ELF1: variants seen among roughly 807,000 people sequenced by gnomAD.
The protein encoded by ELF1 is E74 like ETS transcription factor 1.
Under a neutral mutation model 59.9 loss-of-function variants are expected in ELF1, and 24 were observed. The ratio of observed to expected loss-of-function variants is 0.40; its 90% CI spans 0.29 to 0.56. The LOEUF (loss-of-function observed/expected upper bound fraction) is 0.56, where lower values mean the gene tolerates loss of function less well. Ranked by LOEUF, ELF1 falls within the 20% of genes least tolerant of loss-of-function variation. The probability of loss-of-function intolerance (pLI) is 0.44; values close to 1 mark genes in which losing one functional copy is unlikely to be tolerated. For synonymous variants in ELF1, 248 were observed against 266.2 expected (o/e 0.93, Z 0.67); for missense variants, 627 against 742.2 (o/e 0.84, Z 1.80).
Position 40,981,978 on chromosome 13 carries a change from C to G in ELF1, c.72+5G>C, listed in dbSNP as rs761079297. 5.0e-6 allele frequency: 8 copies of G among 1,603,952 alleles called. No individual in the cohort carries two copies. The highest frequency in any genetic ancestry group is 6.8e-6 in the Non-Finnish European group (8 of 1,175,360). ...TTAAAATGAAATTTTCTCTGAATCT[C>G]ATACCTGTCGTTCATCCTCCATGAC... On this transcript the variant is annotated splice_donor_5th_base_variant and intron_variant, in intron 2 of 8. Coordinates refer to ENST00000239882, the MANE Select transcript of ELF1 (RefSeq NM_172373.4).
At position 41,046,331 on chromosome 13, in the gene ELF1, T is replaced by C. The variant is rs990932872; in HGVS notation, c.-229+14507A>G. Reference sequence around the variant, plus strand: ...TGTGAATTTGATCCTGTCATTACTATGTTAGTTGGTTATTTTGCTTGTTAG... The same window carrying C: ...TGTGAATTTGATCCTGTCATTACTACGTTAGTTGGTTATTTTGCTTGTTAG... On this transcript the variant is annotated intron_variant, in intron 1 of 1. Transcript: ENST00000405737. Among the ~76,000 whole-genome samples the C allele has an allele frequency of 1.2e-4, 18 of 152,328 alleles. 1 individual carries two copies. Among genetic ancestry groups the C allele is most frequent in the African/African-American group, 4.3e-4 (18 of 41,578 alleles).
At chr13:41,053,605 A>G (rs1877180342) in intron 1 of ELF1, among the ~76,000 whole-genome samples, 2 of 152,108 alleles carry the variant, frequency 1.3e-5, no homozygotes, top group South Asian at 4.1e-4. Flanking sequence ...CTAAATGGCT[A>G]CCCCACCCCT....
chr13:40,956,298 T>C (rs1329484681), intron 3 of ELF1, among the ~76,000 whole-genome samples: 3 of 152,054 alleles, frequency 2.0e-5, no homozygotes, highest in Admixed American at 1.3e-4. Flanking sequence ...CTCTGAAACA[T>C]GTGCTGTGTC....
rs1441393597 is a variant in ELF1, at chr13:40,953,562, C to CA, written c.254-2127dup. Reference sequence around the variant, plus strand: ...ATTAACTCTACCAATATCTTGATCTCAGACTTCTAGCTTCCAGAACTGTGA... The same window carrying CA: ...ATTAACTCTACCAATATCTTGATCTCAAGACTTCTAGCTTCCAGAACTGTGA... On this transcript the variant is annotated intron_variant, in intron 3 of 8. Coordinates refer to ENST00000239882, the MANE Select transcript of ELF1 (RefSeq NM_172373.4). 5.9e-5 allele frequency among the ~76,000 whole-genome samples: 9 copies of CA among 152,338 alleles called. No individual in the cohort carries two copies. The South Asian group carries it at 1.0e-3, about 18-fold the overall frequency.
At chr13:40,939,286 C>T (rs564913600) in intron 8 of ELF1, among the ~76,000 whole-genome samples, 4 of 152,228 alleles carry the variant, frequency 2.6e-5, no homozygotes, top group Non-Finnish European at 5.9e-5. Flanking sequence ...ACACTCCAGC[C>T]TAGGCAACAA....
intron 1 of ELF1, among the ~76,000 whole-genome samples, chr13:40,982,602 C>A (rs1376191455): frequency 6.6e-6 from 1 of 150,632 alleles, no homozygotes; most frequent in Non-Finnish European, 1.5e-5. Context: ...GTTGTAATCG[C>A]AATAAAGGAT....
rs1877368639 is a variant in ELF1, at chr13:41,058,495, C to T, written c.-229+2343G>A. Among the ~76,000 whole-genome samples, 5 of 152,216 alleles carry T rather than the reference C, an allele frequency of 3.3e-5. No individual in the cohort carries two copies. In the South Asian group the frequency reaches 1.0e-3, roughly 32 times the overall value. ...TTCTACAACTCAGATGTTGCCTTAC[C>T]ATATTCTACGTAATGCACAACTACA... On this transcript the variant is annotated intron_variant, in intron 1 of 1. Coordinates refer to the ELF1 transcript ENST00000405737.
chr13:40,999,335 G>A (rs1394484332), intron 1 of ELF1, among the ~76,000 whole-genome samples: 1 of 143,746 alleles, frequency 7.0e-6, no homozygotes, highest in African/African-American at 2.6e-5. Flanking sequence ...GAAGGTAGGA[G>A]TTGGAGAGAC....
chr13:41,033,989 A>G (rs1876273490), intron 1 of ELF1, among the ~76,000 whole-genome samples: 2 of 152,182 alleles, frequency 1.3e-5, no homozygotes, highest in South Asian at 2.1e-4. Flanking sequence ...TGGTTACACA[A>G]ACTTAGACAT....
intron 1 of ELF1, among the ~76,000 whole-genome samples, chr13:40,996,971 T>G (rs1421624762): frequency 6.6e-6 from 1 of 152,176 alleles, no homozygotes; most frequent in Non-Finnish European, 1.5e-5. Context: ...AGGCCTTCTG[T>G]CTGTACTCAC....
chr13:41,012,551 T>C (rs1007789173), intron 1 of ELF1, among the ~76,000 whole-genome samples: 14 of 150,452 alleles, frequency 9.3e-5, no homozygotes, highest in African/African-American at 3.4e-4. Flanking sequence ...TTTTCTTTTT[T>C]TTTTTTTTTA....
intron 2 of ELF1, among the ~76,000 whole-genome samples, chr13:40,968,814 G>A (rs1007886489): frequency 1.3e-4 from 19 of 151,670 alleles, no homozygotes; most frequent in African/African-American, 4.6e-4. Flanking sequence ...TGACCTCTGG[G>A]GCTCAAGCAA....
At chr13:40,994,041 C>T (rs968230829) in intron 1 of ELF1, among the ~76,000 whole-genome samples, 2 of 151,932 alleles carry the variant, frequency 1.3e-5, no homozygotes, top group African/African-American at 4.8e-5. Context: ...TCAAACTAAA[C>T]AGACTGACTT....
chr13:40,985,940 T>A (rs185689937), intron 1 of ELF1, among the ~76,000 whole-genome samples: 1 of 152,326 alleles, frequency 6.6e-6, no homozygotes, highest in East Asian at 1.9e-4. Context: ...TGAAACTACT[T>A]CTTCATCACA....
At chr13:40,972,074 T>C (rs1341143148) in intron 2 of ELF1, among the ~76,000 whole-genome samples, 1 of 152,136 alleles carries the variant, frequency 6.6e-6, no homozygotes, top group East Asian at 1.9e-4. Flanking sequence ...GCAGATTCCA[T>C]ATAACTCAAA....
At chr13:41,046,236 C>A (rs562311988) in intron 1 of ELF1, among the ~76,000 whole-genome samples, 53 of 152,148 alleles carry the variant, frequency 3.5e-4, no homozygotes, top group Non-Finnish European at 6.6e-4. Context: ...GACTCTTTAC[C>A]CAATTTGCCA....
chr13:40,945,950 T>G (rs557319491), intron 5 of ELF1, among the ~76,000 whole-genome samples: 4 of 152,318 alleles, frequency 2.6e-5, no homozygotes, highest in Non-Finnish European at 4.4e-5. Flanking sequence ...TTCAAGCGAT[T>G]CTCGTGCCTC....
At chr13:41,038,668 A>C (rs1160705016) in intron 1 of ELF1, among the ~76,000 whole-genome samples, 1 of 152,246 alleles carries the variant, frequency 6.6e-6, no homozygotes, top group East Asian at 1.9e-4. Context: ...TTAGACATTT[A>C]AATGTAAAAG....
At chr13:40,997,303 G>T (rs1299388543) in intron 1 of ELF1, among the ~76,000 whole-genome samples, 1 of 151,958 alleles carries the variant, frequency 6.6e-6, no homozygotes, top group Non-Finnish European at 1.5e-5. Flanking sequence ...TGTTGCCCAG[G>T]CTGGAGTGCA....
Sources: allele counts gnomAD v4.1 joint callset (sites outside exome capture counted in the v4.1 genomes callset), GRCh38; gene constraint gnomAD v4.1.1; transcripts MANE v1.5; gene names NCBI Gene and HGNC (gene_info 2026-07-23, HGNC 2026-07-21).